OGN: variants seen among roughly 807,000 people sequenced by gnomAD.
OGN encodes mimecan.
In OGN, 19 loss-of-function variants were observed where a neutral mutation model predicts 30.8. The observed-to-expected ratio is 0.62, with a 90% confidence interval of 0.43 to 0.90. The LOEUF (loss-of-function observed/expected upper bound fraction) is 0.90. Ranked by LOEUF, OGN falls within the 40% of genes least tolerant of loss-of-function variation. The pLI is 0.00. For synonymous variants in OGN, 126 were observed against 128.3 expected, an observed-to-expected ratio of 0.98 and a Z score of 0.12; for missense variants, 283 against 349.7, an observed-to-expected ratio of 0.81 and a Z score of 1.52.
intron 3 of OGN, among the ~76,000 whole-genome samples, chr9:92,395,082 C>T (rs999839655): frequency 3.3e-5 from 5 of 151,942 alleles, no homozygotes; most frequent in Non-Finnish European, 4.4e-5. Flanking sequence ...GTATTTAAAT[C>T]GTACAACATA....
chr9:92,388,337 T>A (rs1303376235), intron 5 of OGN, among the ~76,000 whole-genome samples: 1 of 150,214 alleles, frequency 6.7e-6, no homozygotes, highest in Non-Finnish European at 1.5e-5. Context: ...AATTTTTGTA[T>A]TTTTAGTGGA....
chr9:92,385,496 TATTAA>T lies in OGN; in HGVS notation c.*119_*123del. 1 of 828,050 alleles carries T rather than the reference TATTAA, an allele frequency of 1.2e-6. No individual in the cohort carries two copies. The highest frequency in any genetic ancestry group is 1.9e-6 in the Non-Finnish European group (1 of 536,098). 51.3% of individuals were successfully genotyped at this position (828,050 alleles called of 1,614,324 possible). On this transcript the variant is annotated 3_prime_UTR_variant, in exon 7 of 7. Coordinates refer to ENST00000375561, the MANE Select transcript of OGN (RefSeq NM_014057.5). Reference sequence around the variant, plus strand: ...AGATTTTGAACATCCTTGCTTAAAATATTAAATTCCTTCAAAATGAGATACAAGGT... The same window carrying T: ...AGATTTTGAACATCCTTGCTTAAAATATTCCTTCAAAATGAGATACAAGGT...
chr9:92,398,279 T>C (rs906689173), intron 3 of OGN, among the ~76,000 whole-genome samples: 1 of 152,240 alleles, frequency 6.6e-6, no homozygotes, highest in Non-Finnish European at 1.5e-5. Flanking sequence ...TTTATGTTTG[T>C]ATTCCAATTT....
Position 92,401,092 on chromosome 9 carries a change from C to T in OGN, c.268G>A (p.Glu90Lys). ...TPLPPKKEND[E>K]MPTCLLCVCL... Reference sequence around the variant, plus strand: ...TGAAAAATATTTAGATGATACTTACCATCATTTTCTTTCTTGGGAGGTAAT... The same window carrying T: ...TGAAAAATATTTAGATGATACTTACTATCATTTTCTTTCTTGGGAGGTAAT... Residue 90 changes from glutamate (E) to lysine (K), a missense_variant and splice_region_variant, in exon 3 of 7, where the codon GAA becomes AAA. Coordinates refer to ENST00000375561, the MANE Select transcript of OGN (RefSeq NM_014057.5). The T allele has an allele frequency of 2.2e-6, 3 of 1,368,148 alleles. No individual in the cohort carries two copies. Among genetic ancestry groups the T allele is most frequent in the African/African-American group, 2.9e-5 (2 of 69,394 alleles). 84.8% of individuals were successfully genotyped at this position (1,368,148 alleles called of 1,614,324 possible).
chr9:92,403,540 G>T, intron 1 of OGN, 58 bp from the exon 2 acceptor site: 1 of 1,399,112 alleles, frequency 7.1e-7, no homozygotes, highest in Non-Finnish European at 9.3e-7. Flanking sequence ...GGATGTTTTG[G>T]CAGGGTGTGC....
chr9:92,390,561 T>G (rs976353078), intron 4 of OGN, among the ~76,000 whole-genome samples: 24 of 113,924 alleles, frequency 2.1e-4, no homozygotes, highest in Non-Finnish European at 1.6e-4. Flanking sequence ...AGAGAGAAAT[T>G]CAGTGTGTGT....
Position 92,385,592 on chromosome 9 carries a change from T to A in OGN, c.*28A>T. On this transcript the variant is annotated 3_prime_UTR_variant, in exon 7 of 7. Transcript: ENST00000375561. ...AGACAGACTATTAGTGTAGGTGTAC[T>A]TTCATTTATATGTTGTACCAATAGA... The A allele has an allele frequency of 6.3e-7, 1 of 1,599,752 alleles. No individual in the cohort carries two copies. The highest frequency in any genetic ancestry group is 8.6e-7 in the Non-Finnish European group (1 of 1,167,568).
intron 3 of OGN, among the ~76,000 whole-genome samples, chr9:92,397,558 A>G (rs1393815984): frequency 2.0e-5 from 3 of 152,000 alleles, no homozygotes; most frequent in Admixed American, 6.6e-5. Flanking sequence ...TCAAATTCCT[A>G]ACTTCAGGTG....
chr9:92,398,918 C>G (rs975006184), intron 3 of OGN, among the ~76,000 whole-genome samples: 1 of 152,024 alleles, frequency 6.6e-6, no homozygotes, highest in Non-Finnish European at 1.5e-5. Flanking sequence ...ATAAATTAGC[C>G]TGGCGTGGTG....
At chr9:92,403,529 A>G in intron 1 of OGN, 47 bp from the exon 2 acceptor site, 1 of 1,419,740 alleles carries the variant, frequency 7.0e-7, no homozygotes, top group Non-Finnish European at 9.2e-7. Context: ...AAAAGCTTAG[A>G]GGATGTTTTG....
At position 92,404,566 on chromosome 9, in the gene OGN, T is replaced by C; in HGVS notation, c.-146A>G. On this transcript the variant is annotated 5_prime_UTR_variant, in exon 1 of 7. Coordinates refer to ENST00000375561, the MANE Select transcript of OGN (RefSeq NM_014057.5). ...TTCATGTCTGTGCATTAGCCCCAAG[T>C]GGGAGGGTGAATGAGAAAAGCTATG... 7.7e-7 allele frequency: 1 copy of C among 1,295,876 alleles called. No individual in the cohort carries two copies. The highest frequency in any genetic ancestry group is 1.0e-6 in the Non-Finnish European group (1 of 986,944). The allele number at this position is 1,295,876 out of a possible 1,614,324, so 80.3% of individuals were successfully genotyped here. A position where few individuals can be genotyped will look rare whatever the true frequency, so the allele number is the denominator to read the frequency against.
chr9:92,397,340 G>A (rs542404588), intron 3 of OGN, among the ~76,000 whole-genome samples: 2 of 152,088 alleles, frequency 1.3e-5, no homozygotes, highest in African/African-American at 4.8e-5. Flanking sequence ...TTGTTCATTT[G>A]TTTTTAAGAC....
At chr9:92,388,973 T>G (rs1449197346) in intron 5 of OGN, among the ~76,000 whole-genome samples, 2 of 152,170 alleles carry the variant, frequency 1.3e-5, no homozygotes, top group African/African-American at 4.8e-5. Flanking sequence ...GATACCTTAA[T>G]TGTAATGAAA....
rs1165699286 is a variant in OGN, at chr9:92,403,422, A to G, written c.-15T>C. 1 of 1,591,618 alleles carries G rather than the reference A, an allele frequency of 6.3e-7. No homozygotes were observed. The highest frequency in any genetic ancestry group is 8.5e-7 in the Non-Finnish European group (1 of 1,171,030). ...AGAGTCTTCATTTTAGCAAAAATCA[A>G]GGTGACTGGAAGTTAATAAACTAGT... On this transcript the variant is annotated 5_prime_UTR_variant, in exon 2 of 7. Transcript: ENST00000375561.
At chr9:92,387,329 T>C (rs1174672022) in intron 5 of OGN, among the ~76,000 whole-genome samples, 1 of 151,660 alleles carries the variant, frequency 6.6e-6, no homozygotes, top group African/African-American at 2.4e-5. Flanking sequence ...TGAGCCGAGA[T>C]TGTGCCACTG....
chr9:92,400,415 C>T (rs1023788265), intron 3 of OGN, among the ~76,000 whole-genome samples: 2 of 152,224 alleles, frequency 1.3e-5, no homozygotes, highest in Non-Finnish European at 2.9e-5. Context: ...TCCCAAAGTA[C>T]TGGGATTACA....
In OGN at chr9:92,390,122, A is replaced by G. The variant is rs1842611701; in HGVS notation, c.428-66T>C. On this transcript the variant is annotated intron_variant, in intron 4 of 6. Transcript: ENST00000375561. Reference sequence around the variant, plus strand: ...ATTCTTATTGTATGGACTGAAGAAAAGCATTTGTTTAACAGATCACTCAAG... The same window carrying G: ...ATTCTTATTGTATGGACTGAAGAAAGGCATTTGTTTAACAGATCACTCAAG... 19 of 926,722 alleles carry G rather than the reference A, an allele frequency of 2.1e-5. No homozygotes were observed. The South Asian group carries it at 2.8e-4, about 14-fold the overall frequency. 57.4% of individuals were successfully genotyped at this position (926,722 alleles called of 1,614,324 possible).
At chr9:92,401,408 G>A (rs1283889769) in intron 2 of OGN, among the ~76,000 whole-genome samples, 1 of 152,008 alleles carries the variant, frequency 6.6e-6, no homozygotes, top group Non-Finnish European at 1.5e-5. Context: ...AAAAGAACTG[G>A]GTGTTTTTAT....
At chr9:92,400,132 ATG>A (rs1353428693) in intron 3 of OGN, among the ~76,000 whole-genome samples, 1 of 151,944 alleles carries the variant, frequency 6.6e-6, no homozygotes, top group Non-Finnish European at 1.5e-5. Flanking sequence ...AGAACAAGGG[ATG>A]TCTTTTGTTT....
Sources: allele counts gnomAD v4.1 joint callset (sites outside exome capture counted in the v4.1 genomes callset), GRCh38; gene constraint gnomAD v4.1.1; transcripts MANE v1.5; gene names NCBI Gene and HGNC (gene_info 2026-07-23, HGNC 2026-07-21).